The following ARIH1 variants were observed in gnomAD, a reference collection of about 807,000 sequenced individuals.
The protein encoded by ARIH1 is E3 ubiquitin-protein ligase ARIH1.
Under a neutral mutation model 85.0 loss-of-function variants are expected in ARIH1, and 8 were observed. That is an observed-to-expected ratio of 0.09 (90% CI 0.06 to 0.17). The LOEUF is 0.17. ARIH1 is among the 10% of genes least tolerant of loss of function. The pLI is 1.00. For synonymous variants in ARIH1, 238 were observed against 253.6 expected, an observed-to-expected ratio of 0.94 and a Z score of 0.59; for missense variants, 311 against 718.1, an observed-to-expected ratio of 0.43 and a Z score of 6.48.
intron 1 of ARIH1, among the ~76,000 whole-genome samples, chr15:72,480,165 G>T (rs1266017396): frequency 6.6e-6 from 1 of 151,742 alleles, no homozygotes; most frequent in African/African-American, 2.4e-5. Flanking sequence ...CACCGTGCCC[G>T]GTCAACAGTG....
At chr15:72,542,634 A>C (rs915976447) in intron 2 of ARIH1, among the ~76,000 whole-genome samples, 1 of 152,174 alleles carries the variant, frequency 6.6e-6, no homozygotes, top group Admixed American at 6.5e-5. Context: ...TGTCTGTTAG[A>C]TATTGTCTAG....
rs878905812 is a variant in ARIH1, at chr15:72,572,290, T to TA, written c.1215+126dup. The TA allele has an allele frequency of 9.1e-6, 6 of 655,770 alleles. No homozygotes were observed. In the South Asian group the frequency reaches 1.2e-4, roughly 13 times the overall value. 40.6% of individuals were successfully genotyped at this position (655,770 alleles called of 1,614,324 possible). A position where few individuals can be genotyped will look rare whatever the true frequency, so the allele number is the denominator to read the frequency against. On this transcript the variant is annotated intron_variant, in intron 11 of 13. Transcript: ENST00000379887. ...TCTCGCTTTGTCGCCCAGGCTGGAG[T>TA]ATAGTGGCATGATCTCAGCTCACTG... is the stretch of plus-strand genomic sequence containing the variant.
In ARIH1 at chr15:72,584,015, A is replaced by G. The variant is rs1041252820; in HGVS notation, c.*723A>G. 7 of 152,156 alleles carry G rather than the reference A, an allele frequency of 4.6e-5. No homozygotes were observed. Among genetic ancestry groups the G allele is most frequent in the African/African-American group, 9.7e-5 (4 of 41,440 alleles). The allele number at this position is 152,156 out of a possible 1,614,324, so 9.4% of individuals were successfully genotyped here. On this transcript the variant is annotated 3_prime_UTR_variant, in exon 14 of 14. Transcript: ENST00000379887. ...TTTAAAAATCTTCAAGATTATGTCT[A>G]TTTGCTGTGCATTTTCTTTCAGTTT...
chr15:72,548,698 A>G (rs771819773), intron 3 of ARIH1, among the ~76,000 whole-genome samples: 1 of 152,136 alleles, frequency 6.6e-6, no homozygotes, highest in Non-Finnish European at 1.5e-5. Flanking sequence ...AGTAAATGTC[A>G]CCTGAAACTC....
intron 1 of ARIH1, among the ~76,000 whole-genome samples, chr15:72,485,410 C>T (rs1464866877): frequency 2.6e-5 from 4 of 152,182 alleles, no homozygotes; most frequent in East Asian, 1.9e-4. Flanking sequence ...CATCCAGGAT[C>T]GAGAGCTCCT....
intron 12 of ARIH1, chr15:72,581,446 C>G (rs2064294819): frequency 1.3e-5 from 2 of 158,708 alleles, no homozygotes; most frequent in African/African-American, 4.8e-5. Flanking sequence ...CTAAACTAAC[C>G]CTGCAATATT....
At chr15:72,546,932 G>C (rs2064131659) in intron 3 of ARIH1, among the ~76,000 whole-genome samples, 1 of 41,260 alleles carries the variant, frequency 2.4e-5, no homozygotes, top group South Asian at 1.6e-3. Flanking sequence ...CTTTTTTTTT[G>C]GAGGGGGGGG....
At chr15:72,496,519 A>G (rs1204300448) in intron 1 of ARIH1, among the ~76,000 whole-genome samples, 3 of 152,220 alleles carry the variant, frequency 2.0e-5, no homozygotes, top group Admixed American at 6.5e-5. Flanking sequence ...TGGCCTGGTT[A>G]CAAAAGTGCC....
intron 3 of ARIH1, among the ~76,000 whole-genome samples, chr15:72,552,833 G>T (rs2064158734): frequency 6.6e-6 from 1 of 150,828 alleles, no homozygotes; most frequent in Non-Finnish European, 1.5e-5. Context: ...GGAGTGCGGT[G>T]GTGCGATCTT....
chr15:72,481,940 G>A (rs1168932835), intron 1 of ARIH1, among the ~76,000 whole-genome samples: 1 of 152,042 alleles, frequency 6.6e-6, no homozygotes, highest in African/African-American at 2.4e-5. Context: ...GGGTTCAAGC[G>A]ATTCTCCTCC....
chr15:72,528,648 G>A (rs575380237), intron 2 of ARIH1, among the ~76,000 whole-genome samples: 1 of 152,210 alleles, frequency 6.6e-6, no homozygotes, highest in African/African-American at 2.4e-5. Flanking sequence ...GAGCGTAGGA[G>A]TTTGAGACTA....
At chr15:72,506,399 T>G (rs891167374) in intron 1 of ARIH1, among the ~76,000 whole-genome samples, 2 of 146,564 alleles carry the variant, frequency 1.4e-5, no homozygotes, top group African/African-American at 4.9e-5. Flanking sequence ...TTGTGGAAGA[T>G]TTAAAGCATT....
At chr15:72,536,903 TAAAA>T (rs1194061588) in intron 2 of ARIH1, among the ~76,000 whole-genome samples, 1 of 152,072 alleles carries the variant, frequency 6.6e-6, no homozygotes, top group African/African-American at 2.4e-5. Context: ...AATGCCTTTT[TAAAA>T]AAAATTAGGC....
chr15:72,506,351 C>CAAAAAAAAAAAAAAAAAAAAAAAAAAG (rs71134002), intron 1 of ARIH1, among the ~76,000 whole-genome samples: 2 of 73,064 alleles, frequency 2.7e-5, no homozygotes, highest in Non-Finnish European at 4.8e-5. Context: ...CTCCGTCTCA[C>CAAAAAAAAAAAAAAAAAAAAAAAAAAG]AAAAAAAAAA....
At chr15:72,484,566 A>G (rs147072784) in intron 1 of ARIH1, among the ~76,000 whole-genome samples, 36 of 151,842 alleles carry the variant, frequency 2.4e-4, no homozygotes, top group Admixed American at 1.1e-3. Context: ...TAAGTCTCCA[A>G]TCCCATCCAG....
chr15:72,498,673 G>A (rs1046271949), intron 1 of ARIH1, among the ~76,000 whole-genome samples: 3 of 151,928 alleles, frequency 2.0e-5, no homozygotes, highest in Admixed American at 6.6e-5. Flanking sequence ...GCGAAACCCC[G>A]TCTCTACTAA....
intron 3 of ARIH1, among the ~76,000 whole-genome samples, chr15:72,550,237 TGA>T (rs1473962279): frequency 2.6e-5 from 4 of 152,200 alleles, no homozygotes; most frequent in Non-Finnish European, 5.9e-5. Flanking sequence ...GTAACAAGGT[TGA>T]GAGAGGTGCA....
intron 6 of ARIH1, 121 bp from the exon 7 acceptor site, chr15:72,563,273 G>A: frequency 1.4e-6 from 1 of 730,240 alleles, no homozygotes. Flanking sequence ...TGCCCGGGCT[G>A]GTCTGGAGTG....
At chr15:72,490,028 C>G (rs1264476902) in intron 1 of ARIH1, among the ~76,000 whole-genome samples, 1 of 151,654 alleles carries the variant, frequency 6.6e-6, no homozygotes, top group African/African-American at 2.4e-5. Context: ...GGAAAAGAGG[C>G]CTTTGTAGCC....
Sources: allele counts gnomAD v4.1 joint callset (sites outside exome capture counted in the v4.1 genomes callset), GRCh38; gene constraint gnomAD v4.1.1; transcripts MANE v1.5; gene names NCBI Gene and HGNC (gene_info 2026-07-23, HGNC 2026-07-21).